CCDC30: variants seen among roughly 807,000 people sequenced by gnomAD.
CCDC30 encodes coiled-coil domain containing 30.
In CCDC30, 70 loss-of-function variants were observed where a neutral mutation model predicts 100.2. The ratio of observed to expected loss-of-function variants is 0.70; its 90% CI spans 0.58 to 0.85. CCDC30 has a LOEUF of 0.85. CCDC30 is among the 40% of genes least tolerant of loss of function. The pLI is 0.00. For synonymous variants in CCDC30, 233 were observed against 269.5 expected (o/e 0.86, Z 1.33); for missense variants, 652 against 771.2 (o/e 0.85, Z 1.83).
intron 1 of CCDC30, among the ~76,000 whole-genome samples, chr1:42,469,441 C>A (rs1479377607): frequency 6.6e-6 from 1 of 152,108 alleles, no homozygotes; most frequent in East Asian, 1.9e-4. Context: ...ACAGAAGCCA[C>A]AGTATAGGAG....
intron 11 of CCDC30, among the ~76,000 whole-genome samples, chr1:42,611,566 A>G (rs1259967121): frequency 6.6e-6 from 1 of 152,124 alleles, no homozygotes; most frequent in South Asian, 2.1e-4. Flanking sequence ...ACATACATAC[A>G]TACATACATA....
chr1:42,525,274 A>G (rs1557825503), intron 6 of CCDC30, among the ~76,000 whole-genome samples: 1 of 152,250 alleles, frequency 6.6e-6, no homozygotes, highest in East Asian at 1.9e-4. Flanking sequence ...ATCCAACTAC[A>G]TGTGTTTACA....
chr1:42,574,873 T>G (rs1258500107), intron 7 of CCDC30, among the ~76,000 whole-genome samples: 1 of 152,170 alleles, frequency 6.6e-6, no homozygotes. Context: ...CTAAAAGCAA[T>G]TATTGAATAT....
chr1:42,547,783 T>A (rs1645173645), intron 6 of CCDC30, among the ~76,000 whole-genome samples: 1 of 152,190 alleles, frequency 6.6e-6, no homozygotes, highest in South Asian at 2.1e-4. Flanking sequence ...CAACCACATT[T>A]GGCAAGACAT....
the CCDC30 span, chr1:42,457,590 T>A: frequency 1.9e-6 from 1 of 532,304 alleles, no homozygotes; most frequent in Non-Finnish European, 3.4e-6. Flanking sequence ...TGCAGTCAGA[T>A]CATGGGGCGA....
intron 4 of CCDC30, among the ~76,000 whole-genome samples, chr1:42,495,142 G>A (rs1344806608): frequency 2.0e-5 from 3 of 150,594 alleles, no homozygotes; most frequent in African/African-American, 7.3e-5. Flanking sequence ...TTAAGAAAAT[G>A]TGGCACATGT....
intron 15 of CCDC30, among the ~76,000 whole-genome samples, chr1:42,647,866 C>A (rs1570351268): frequency 6.6e-6 from 1 of 152,098 alleles, no homozygotes; most frequent in African/African-American, 2.4e-5. Flanking sequence ...TTTAAAATAT[C>A]TTGAAACAAA....
chr1:42,588,075 A>G (rs558940653), intron 9 of CCDC30, among the ~76,000 whole-genome samples: 1 of 152,354 alleles, frequency 6.6e-6, no homozygotes, highest in East Asian at 1.9e-4. Flanking sequence ...GGAACCAATC[A>G]TGAGGAATGA....
intron 6 of CCDC30, among the ~76,000 whole-genome samples, chr1:42,517,614 TCTAA>T (rs1017049277): frequency 1.4e-5 from 2 of 147,960 alleles, no homozygotes; most frequent in Non-Finnish European, 3.0e-5. Context: ...AAGGTAAGTG[TCTAA>T]CTTAGTTTTT....
intron 15 of CCDC30, among the ~76,000 whole-genome samples, chr1:42,651,622 G>T (rs1285647129): frequency 1.3e-5 from 2 of 152,172 alleles, no homozygotes; most frequent in Non-Finnish European, 2.9e-5. Context: ...CCAGCAGTTT[G>T]GGAGGCTGAG....
intron 6 of CCDC30, 85 bp downstream of exon 10, chr1:42,556,490 C>T: frequency 1.4e-6 from 2 of 1,394,672 alleles, no homozygotes; most frequent in Non-Finnish European, 1.9e-6. Flanking sequence ...TACCATCATT[C>T]ATATATATGT....
intron 9 of CCDC30, among the ~76,000 whole-genome samples, chr1:42,588,248 G>A (rs1646115981): frequency 6.6e-6 from 1 of 152,112 alleles, no homozygotes; most frequent in Admixed American, 6.5e-5. Flanking sequence ...CTGTGGGACA[G>A]TTGGGCTGGT....
chr1:42,538,467 C>T (rs1186628512), intron 6 of CCDC30, among the ~76,000 whole-genome samples: 1 of 151,744 alleles, frequency 6.6e-6, no homozygotes, highest in Non-Finnish European at 1.5e-5. Context: ...CATCATGGCA[C>T]CCTTATAGTA....
chr1:42,462,575 A>G (rs549363555), upstream of CCDC30, among the ~76,000 whole-genome samples: 4 of 152,348 alleles, frequency 2.6e-5, no homozygotes, highest in South Asian at 8.3e-4. Context: ...TGTGTTTGGG[A>G]TACCAGCAAA....
upstream of CCDC30, among the ~76,000 whole-genome samples, chr1:42,460,998 T>G (rs1643396361): frequency 6.6e-6 from 1 of 152,256 alleles, no homozygotes; most frequent in Non-Finnish European, 1.5e-5. Context: ...TCCTACGTTT[T>G]GGGTTTGGAG....
At chr1:42,602,044 A>G (rs1274906391) in intron 10 of CCDC30, among the ~76,000 whole-genome samples, 1 of 152,208 alleles carries the variant, frequency 6.6e-6, no homozygotes, top group Non-Finnish European at 1.5e-5. Flanking sequence ...CTGAACTGAA[A>G]AATGGACTAA....
At chr1:42,465,098 A>C (rs1643528791) in intron 1 of CCDC30, among the ~76,000 whole-genome samples, 1 of 152,160 alleles carries the variant, frequency 6.6e-6, no homozygotes, top group Non-Finnish European at 1.5e-5. Flanking sequence ...GCAAGGCATA[A>C]ATTTAAAAAC....
intron 6 of CCDC30, among the ~76,000 whole-genome samples, chr1:42,554,147 G>A (rs1330260035): frequency 6.7e-6 from 1 of 148,736 alleles, no homozygotes; most frequent in Non-Finnish European, 1.5e-5. Flanking sequence ...AATTCTCTTA[G>A]CCATTTCCAT....
intron 4 of CCDC30, among the ~76,000 whole-genome samples, chr1:42,493,307 T>C (rs1022195492): frequency 2.0e-5 from 3 of 151,956 alleles, no homozygotes; most frequent in African/African-American, 7.2e-5. Context: ...TCAACAAAAG[T>C]GGCTGAGCGC....
Sources: gnomAD v4.1 joint callset for allele counts (sites outside exome capture counted in the v4.1 genomes callset) on GRCh38, gnomAD v4.1.1 for gene constraint, MANE v1.5 for transcripts, NCBI Gene and HGNC (gene_info 2026-07-23, HGNC 2026-07-21) for gene names.